The following WWOX variants were observed in gnomAD, a reference collection of about 807,000 sequenced individuals.
The protein encoded by WWOX is WW domain-containing oxidoreductase.
WWOX carries 69 observed loss-of-function variants against 46.2 expected under a neutral mutation model. The ratio of observed to expected loss-of-function variants is 1.49; its 90% CI spans 1.23 to 1.82. The LOEUF is 1.82. Among genes scored for constraint, WWOX ranks in the 40% most tolerant of loss-of-function variants. The pLI, the probability that WWOX is intolerant of heterozygous loss-of-function variation, is 0.00. For missense variants in WWOX, 919 were observed against 542.6 expected (o/e 1.69, Z -6.89); for synonymous variants, 359 against 202.6 (o/e 1.77, Z -6.56).
At chr16:78,818,903 T>A (rs912363409) in intron 8 of WWOX, among the ~76,000 whole-genome samples, 1 of 152,202 alleles carries the variant, frequency 6.6e-6, no homozygotes, top group Admixed American at 6.5e-5. Context: ...AGTGTACGGC[T>A]TAAGAGCAGA....
intron 8 of WWOX, among the ~76,000 whole-genome samples, chr16:78,861,745 C>T (rs1156691039): frequency 6.6e-6 from 1 of 152,170 alleles, no homozygotes; most frequent in Non-Finnish European, 1.5e-5. Flanking sequence ...TAACTCATTT[C>T]CTTCTTTTGA....
chr16:79,151,734 C>A (rs1053767120), intron 8 of WWOX, among the ~76,000 whole-genome samples: 3 of 152,176 alleles, frequency 2.0e-5, no homozygotes, highest in African/African-American at 7.2e-5. Context: ...GAACGGCCTG[C>A]CAGGGTGCCT....
At chr16:78,660,584 T>A (rs574836464) in intron 8 of WWOX, among the ~76,000 whole-genome samples, 1 of 152,130 alleles carries the variant, frequency 6.6e-6, no homozygotes, top group Non-Finnish European at 1.5e-5. Context: ...TTGTGTTGTT[T>A]CTGCTTGTTT....
Position 78,716,361 on chromosome 16 carries a change from C to T in WWOX, c.1056+283609C>T, listed in dbSNP as rs569598024. 2.2e-4 allele frequency among the ~76,000 whole-genome samples: 33 copies of T among 152,168 alleles called. No individual in the cohort carries two copies. The South Asian group carries it at 2.3e-3, about 11-fold the overall frequency. On this transcript the variant is annotated intron_variant, in intron 8 of 8. Coordinates refer to ENST00000566780, the MANE Select transcript of WWOX (RefSeq NM_016373.4). ...ACCTTGATTTCAGACTTCTGGGTTC[C>T]GCAACTGCAAAAGAGTACATTGCTG... is the stretch of plus-strand genomic sequence containing the variant.
chr16:78,761,180 G>C (rs528520389), intron 8 of WWOX, among the ~76,000 whole-genome samples: 33 of 152,224 alleles, frequency 2.2e-4, no homozygotes, highest in African/African-American at 7.5e-4. Flanking sequence ...AAGAACTATT[G>C]CATTTTCTTT....
At chr16:78,385,964 C>G (rs2082051379) in intron 5 of WWOX, among the ~76,000 whole-genome samples, 1 of 152,190 alleles carries the variant, frequency 6.6e-6, no homozygotes, top group Non-Finnish European at 1.5e-5. Context: ...GAGGGGCAAC[C>G]CGGAGATTTG....
At chr16:78,199,777 C>T (rs930460582) in intron 5 of WWOX, among the ~76,000 whole-genome samples, 3 of 143,144 alleles carry the variant, frequency 2.1e-5, no homozygotes, top group Admixed American at 2.0e-4. Flanking sequence ...AGGCTGAGTT[C>T]CAGACTCCAA....
chr16:78,599,520 T>A (rs1370023789), intron 8 of WWOX, among the ~76,000 whole-genome samples: 3 of 152,180 alleles, frequency 2.0e-5, no homozygotes, highest in Non-Finnish European at 4.4e-5. Context: ...ATGGCCCTGG[T>A]CATGTGTAGA....
intron 4 of WWOX, among the ~76,000 whole-genome samples, chr16:78,162,059 C>T (rs1363759517): frequency 1.3e-5 from 2 of 152,144 alleles, no homozygotes; most frequent in African/African-American, 2.4e-5. Context: ...GGGTTTATAG[C>T]TAAGGTCATT....
intron 8 of WWOX, among the ~76,000 whole-genome samples, chr16:79,120,076 A>G (rs1040033664): frequency 1.3e-5 from 2 of 152,162 alleles, no homozygotes; most frequent in African/African-American, 4.8e-5. Context: ...AGTGCAGTTT[A>G]TTTAGATAAC....
In WWOX at chr16:78,781,765, G is replaced by A. The variant is rs143654019; in HGVS notation, c.1056+349013G>A. 1.3e-3 allele frequency among the ~76,000 whole-genome samples: 194 copies of A among 152,146 alleles called. 1 individual carries two copies. Among genetic ancestry groups the A allele is most frequent in the Middle Eastern group, 6.8e-3 (2 of 294 alleles). On this transcript the variant is annotated intron_variant, in intron 8 of 8. Coordinates refer to ENST00000566780, the MANE Select transcript of WWOX (RefSeq NM_016373.4). ...ACTCCAGTCTGGGCAACAGAGCGAG[G>A]CTCCATCTCAAATAAAATTAGTCAG...
intron 8 of WWOX, among the ~76,000 whole-genome samples, chr16:79,042,836 C>T (rs1329145388): frequency 6.6e-6 from 1 of 150,472 alleles, no homozygotes; most frequent in Non-Finnish European, 1.5e-5. Flanking sequence ...AAACAAGAAA[C>T]CCAGAATTAT....
chr16:78,822,406 A>G (rs1567584244), intron 8 of WWOX, among the ~76,000 whole-genome samples: 1 of 152,162 alleles, frequency 6.6e-6, no homozygotes, highest in Non-Finnish European at 1.5e-5. Context: ...AGGCAGGAGA[A>G]TGGCTTGAAC....
intron 8 of WWOX, among the ~76,000 whole-genome samples, chr16:78,527,352 G>T (rs1189937487): frequency 6.8e-6 from 1 of 147,190 alleles, no homozygotes; most frequent in Non-Finnish European, 1.5e-5. Context: ...AGAGTGCAGT[G>T]GTATGATCTC....
At chr16:78,610,012 C>T (rs1472531233) in intron 8 of WWOX, among the ~76,000 whole-genome samples, 1 of 132,504 alleles carries the variant, frequency 7.5e-6, no homozygotes, top group Non-Finnish European at 1.5e-5. Context: ...CTTTATTTAG[C>T]AGAAGGTAGC....
chr16:78,693,309 A>G (rs2048030856), intron 8 of WWOX, among the ~76,000 whole-genome samples: 1 of 152,020 alleles, frequency 6.6e-6, no homozygotes, highest in Admixed American at 6.6e-5. Context: ...ACCACTACCC[A>G]CAGGACCCTC....
intron 8 of WWOX, among the ~76,000 whole-genome samples, chr16:78,863,249 C>G (rs1048947769): frequency 6.6e-6 from 1 of 152,170 alleles, no homozygotes; most frequent in Non-Finnish European, 1.5e-5. Context: ...TGAGCCACCA[C>G]TCCCAGCCAG....
At chr16:78,833,933 T>C (rs746403910) in intron 8 of WWOX, among the ~76,000 whole-genome samples, 27 of 152,272 alleles carry the variant, frequency 1.8e-4, no homozygotes, top group Admixed American at 9.8e-4. Flanking sequence ...GGCCAAGGAC[T>C]GTGTCTTATT....
intron 8 of WWOX, among the ~76,000 whole-genome samples, chr16:79,041,767 C>G (rs1244731814): frequency 6.6e-6 from 1 of 152,146 alleles, no homozygotes; most frequent in African/African-American, 2.4e-5. Context: ...ATGCTTTACA[C>G]TTTTGTTTTT....
Sources: gnomAD v4.1 joint callset for allele counts (sites outside exome capture counted in the v4.1 genomes callset) on GRCh38, gnomAD v4.1.1 for gene constraint, MANE v1.5 for transcripts, NCBI Gene and HGNC (gene_info 2026-07-23, HGNC 2026-07-21) for gene names.